The following DIAPH3 variants were observed in gnomAD, a reference collection of about 807,000 sequenced individuals.
DIAPH3 encodes protein diaphanous homolog 3.
A neutral mutation model predicts 144.3 loss-of-function variants in DIAPH3; 117 were observed. The ratio of observed to expected loss-of-function variants is 0.81; its 90% CI spans 0.70 to 0.95. The LOEUF (loss-of-function observed/expected upper bound fraction) is 0.95. DIAPH3 is among the 40% of genes least tolerant of loss of function. The probability of loss-of-function intolerance (pLI) is 0.00; values close to 1 mark genes in which losing one functional copy is unlikely to be tolerated. For synonymous variants in DIAPH3, 519 were observed against 488.9 expected (o/e 1.06, Z -0.81); for missense variants, 1,421 against 1,412.7 (o/e 1.01, Z -0.09).
At chr13:59,763,265 T>C (rs902634307) in intron 27 of DIAPH3, among the ~76,000 whole-genome samples, 13 of 151,386 alleles carry the variant, frequency 8.6e-5, no homozygotes, top group African/African-American at 3.2e-4. Context: ...TATATACATA[T>C]GTACACATAT....
At chr13:59,987,692 C>T (rs966322270) in intron 12 of DIAPH3, among the ~76,000 whole-genome samples, 8 of 151,232 alleles carry the variant, frequency 5.3e-5, no homozygotes, top group Admixed American at 4.6e-4. Context: ...AGATATTGTA[C>T]CTTTTTGGTT....
rs769423670 is a variant in DIAPH3, at chr13:59,666,569, A to T, written c.*15T>A. 25 of 1,613,274 alleles carry T rather than the reference A, an allele frequency of 1.5e-5. No homozygotes were observed. In the Middle Eastern group the frequency reaches 6.6e-4, roughly 43 times the overall value. On this transcript the variant is annotated 3_prime_UTR_variant, in exon 28 of 28. Transcript: ENST00000400324. ...TATATTTGGCTTAATCATTTTTTTT[A>T]AAAACCAGTTTAACTTATAAAGCTC...
intron 20 of DIAPH3, among the ~76,000 whole-genome samples, chr13:59,904,932 G>A (rs1172877974): frequency 6.6e-6 from 1 of 151,888 alleles, no homozygotes; most frequent in Non-Finnish European, 1.5e-5. Flanking sequence ...TAACTGCTTC[G>A]ATCTCATTTA....
intron 20 of DIAPH3, among the ~76,000 whole-genome samples, chr13:59,891,168 C>G (rs893034483): frequency 1.3e-5 from 2 of 151,940 alleles, no homozygotes; most frequent in African/African-American, 4.8e-5. Flanking sequence ...TTCCTAGGCA[C>G]TAGATGAAAG....
intron 15 of DIAPH3, among the ~76,000 whole-genome samples, chr13:59,971,511 G>A (rs1335917092): frequency 6.6e-6 from 1 of 152,128 alleles, no homozygotes; most frequent in Non-Finnish European, 1.5e-5. Flanking sequence ...AAGCAGAGAA[G>A]TTCACTCATA....
intron 17 of DIAPH3, among the ~76,000 whole-genome samples, chr13:59,967,368 C>G (rs772003275): frequency 2.0e-5 from 3 of 151,934 alleles, no homozygotes; most frequent in Non-Finnish European, 4.4e-5. Flanking sequence ...AGCCATTGCA[C>G]CCGGCCATAG....
At chr13:60,056,699 C>A (rs965039805) in intron 4 of DIAPH3, among the ~76,000 whole-genome samples, 1 of 151,784 alleles carries the variant, frequency 6.6e-6, no homozygotes, top group South Asian at 2.1e-4. Context: ...GTGTACAAGA[C>A]AATAGGAAGT....
intron 4 of DIAPH3, among the ~76,000 whole-genome samples, chr13:60,091,100 T>G (rs2057913642): frequency 6.6e-6 from 1 of 152,234 alleles, no homozygotes; most frequent in Admixed American, 6.5e-5. Context: ...ACTGATGTCG[T>G]ATCTCTTATA....
intron 20 of DIAPH3, among the ~76,000 whole-genome samples, chr13:59,904,043 T>C (rs997664646): frequency 2.6e-5 from 4 of 152,210 alleles, no homozygotes; most frequent in Non-Finnish European, 5.9e-5. Context: ...AGAGGAAAGA[T>C]ACTGAATTTT....
chr13:60,000,249 C>A (rs542472646), intron 9 of DIAPH3, among the ~76,000 whole-genome samples: 1 of 152,168 alleles, frequency 6.6e-6, no homozygotes, highest in South Asian at 2.1e-4. Flanking sequence ...GAAAGACATA[C>A]CAACCATCAA....
chr13:59,997,472 T>C (rs924971567), intron 9 of DIAPH3, among the ~76,000 whole-genome samples: 2 of 152,138 alleles, frequency 1.3e-5, no homozygotes, highest in African/African-American at 2.4e-5. Context: ...GTTTATTCCA[T>C]ATCTTTGCTA....
At chr13:59,714,126 C>T (rs924808916) in intron 27 of DIAPH3, among the ~76,000 whole-genome samples, 4 of 151,872 alleles carry the variant, frequency 2.6e-5, no homozygotes, top group Admixed American at 6.6e-5. Flanking sequence ...TTTGGGAGGC[C>T]GAGGCGGGCG....
intron 17 of DIAPH3, among the ~76,000 whole-genome samples, chr13:59,943,052 C>A (rs911115162): frequency 6.6e-6 from 1 of 152,084 alleles, no homozygotes; most frequent in African/African-American, 2.4e-5. Context: ...CTACTTTTAA[C>A]TGTGCCGATG....
intron 18 of DIAPH3, among the ~76,000 whole-genome samples, chr13:59,922,727 AAT>A (rs1279879664): frequency 1.3e-5 from 2 of 152,096 alleles, no homozygotes; most frequent in Non-Finnish European, 2.9e-5. Flanking sequence ...ATTACATCAT[AAT>A]ATGACATGGT....
At chr13:60,156,900 C>A in intron 1 of DIAPH3, among the ~76,000 whole-genome samples, 1 of 122,370 alleles carries the variant, frequency 8.2e-6, no homozygotes. Flanking sequence ...CTATAGTGGC[C>A]CAGAGACCCA....
At chr13:59,748,430 G>T (rs1025098632) in intron 27 of DIAPH3, among the ~76,000 whole-genome samples, 3 of 152,190 alleles carry the variant, frequency 2.0e-5, no homozygotes, top group Non-Finnish European at 4.4e-5. Flanking sequence ...TCATTGTAAA[G>T]ACATTTTAGA....
At chr13:60,126,031 G>A (rs930634414) in intron 2 of DIAPH3, among the ~76,000 whole-genome samples, 1 of 152,174 alleles carries the variant, frequency 6.6e-6, no homozygotes, top group Non-Finnish European at 1.5e-5. Flanking sequence ...ATCCATTGAG[G>A]TTATTCAGTA....
chr13:59,762,557 T>C (rs1372742371), intron 27 of DIAPH3, among the ~76,000 whole-genome samples: 1 of 152,172 alleles, frequency 6.6e-6, no homozygotes, highest in Non-Finnish European at 1.5e-5. Context: ...CTATGCCAAG[T>C]AGTGTACCAT....
intron 20 of DIAPH3, among the ~76,000 whole-genome samples, chr13:59,892,393 C>T (rs1387209666): frequency 2.0e-5 from 3 of 151,562 alleles, no homozygotes; most frequent in Non-Finnish European, 4.4e-5. Context: ...AAACTGGAAA[C>T]CATTAGAAGG....
Sources: allele counts gnomAD v4.1 joint callset (sites outside exome capture counted in the v4.1 genomes callset), GRCh38; gene constraint gnomAD v4.1.1; transcripts MANE v1.5; gene names NCBI Gene and HGNC (gene_info 2026-07-23, HGNC 2026-07-21).